WWTR1: variants seen among roughly 807,000 people sequenced by gnomAD.
The protein encoded by WWTR1 is WW domain-containing transcription regulator protein 1.
A neutral mutation model predicts 40.1 loss-of-function variants in WWTR1; 13 were observed. That is an observed-to-expected ratio of 0.32 (90% CI 0.21 to 0.52). The LOEUF (loss-of-function observed/expected upper bound fraction) is 0.52, where lower values mean the gene tolerates loss of function less well. WWTR1 is among the 20% of genes least tolerant of loss of function. WWTR1 has a pLI of 0.97. For synonymous variants in WWTR1, 230 were observed against 210.1 expected, an observed-to-expected ratio of 1.09 and a Z score of -0.82; for missense variants, 436 against 523.1, an observed-to-expected ratio of 0.83 and a Z score of 1.63.
At chr3:149,682,864 GCCATGGAAAGCTGTAAGAAGCCA>G (rs955480941) in intron 1 of WWTR1, among the ~76,000 whole-genome samples, 70 of 152,236 alleles carry the variant, frequency 4.6e-4, no homozygotes, top group African/African-American at 1.4e-3. Flanking sequence ...TGCAGAAACC[GCCATGGAAAGCTGTAAGAAGCCA>G]CCTTCAGTCT....
At chr3:149,547,226 A>T (rs1221047775) in intron 3 of WWTR1, among the ~76,000 whole-genome samples, 2 of 1,088 alleles carry the variant, frequency 1.8e-3, no homozygotes, top group African/African-American at 1.6e-3. Flanking sequence ...TAGTTCCATT[A>T]AAAAAAAAAA....
intron 2 of WWTR1, among the ~76,000 whole-genome samples, chr3:149,597,870 G>C (rs1468206916): frequency 2.0e-5 from 3 of 152,212 alleles, no homozygotes; most frequent in Admixed American, 1.3e-4. Flanking sequence ...AAATGCACAA[G>C]AGAGGTCACC....
At chr3:149,612,938 G>A (rs1405980871) in intron 2 of WWTR1, among the ~76,000 whole-genome samples, 2 of 152,236 alleles carry the variant, frequency 1.3e-5, no homozygotes, top group Non-Finnish European at 2.9e-5. Context: ...ACACAAGCCT[G>A]TCTAGAGTCC....
chr3:149,580,983 T>C (rs1014782792), intron 2 of WWTR1, among the ~76,000 whole-genome samples: 1 of 152,214 alleles, frequency 6.6e-6, no homozygotes, highest in South Asian at 2.1e-4. Context: ...ATTTGCATAA[T>C]GTGGAGTCGG....
At chr3:149,693,493 A>G (rs1714887552) in intron 1 of WWTR1, among the ~76,000 whole-genome samples, 3 of 152,168 alleles carry the variant, frequency 2.0e-5, no homozygotes, top group African/African-American at 4.8e-5. Flanking sequence ...TAAAATGTAT[A>G]TGGAACCACC....
At chr3:149,705,506 T>C (rs1715308947), upstream of WWTR1, among the ~76,000 whole-genome samples, 1 of 152,128 alleles carries the variant, frequency 6.6e-6, no homozygotes, top group Non-Finnish European at 1.5e-5. Context: ...CAAAATAAAG[T>C]GAAACAGTAG....
At chr3:149,522,529 A>G (rs1027090667) in intron 6 of WWTR1, among the ~76,000 whole-genome samples, 3 of 152,212 alleles carry the variant, frequency 2.0e-5, no homozygotes, top group Non-Finnish European at 4.4e-5. Context: ...CGTTAAACGA[A>G]AAAACAAAAT....
intron 2 of WWTR1, among the ~76,000 whole-genome samples, chr3:149,645,951 CA>C (rs1331383882): frequency 2.0e-5 from 3 of 152,102 alleles, no homozygotes; most frequent in African/African-American, 7.2e-5. Flanking sequence ...AGATGTGCCA[CA>C]GCAAAATTTT....
intron 4 of WWTR1, among the ~76,000 whole-genome samples, chr3:149,532,649 G>A (rs1735641525): frequency 6.6e-6 from 1 of 152,010 alleles, no homozygotes; most frequent in Non-Finnish European, 1.5e-5. Context: ...CAAAACCCGA[G>A]GTCTGAAAAT....
chr3:149,533,344 T>G (rs1022745260), intron 4 of WWTR1, among the ~76,000 whole-genome samples: 2 of 152,128 alleles, frequency 1.3e-5, no homozygotes, highest in Admixed American at 1.3e-4. Flanking sequence ...CCAATCAGGA[T>G]AGAGAGGGGT....
At chr3:149,622,892 A>AATG (rs67371172) in intron 2 of WWTR1, among the ~76,000 whole-genome samples, 1 of 32,278 alleles carries the variant, frequency 3.1e-5, no homozygotes, top group East Asian at 4.0e-4. Flanking sequence ...CTTGTCTCAA[A>AATG]ATAATAATAA....
intron 2 of WWTR1, among the ~76,000 whole-genome samples, chr3:149,592,077 T>C (rs1320387172): frequency 6.6e-6 from 1 of 152,190 alleles, no homozygotes; most frequent in African/African-American, 2.4e-5. Context: ...CTCAATGATG[T>C]TCTATAAAAC....
intron 2 of WWTR1, among the ~76,000 whole-genome samples, chr3:149,640,716 C>T (rs796485880): frequency 2.0e-5 from 3 of 152,096 alleles, no homozygotes; most frequent in African/African-American, 7.2e-5. Context: ...CCACCGAGCC[C>T]GACCAGAATC....
chr3:149,568,551 A>AAC (rs1737459769), intron 3 of WWTR1, among the ~76,000 whole-genome samples: 2 of 72,266 alleles, frequency 2.8e-5, no homozygotes, highest in Non-Finnish European at 5.5e-5. Flanking sequence ...AAAAAAAAAA[A>AAC]AAAAAAAAAC....
intron 2 of WWTR1, among the ~76,000 whole-genome samples, chr3:149,603,059 C>T (rs1030228202): frequency 2.0e-5 from 3 of 152,112 alleles, no homozygotes; most frequent in Non-Finnish European, 4.4e-5. Flanking sequence ...AATCTATTTG[C>T]AAACTTCAAA....
chr3:149,600,726 A>G (rs1376252191), intron 2 of WWTR1, among the ~76,000 whole-genome samples: 1 of 152,232 alleles, frequency 6.6e-6, no homozygotes, highest in Non-Finnish European at 1.5e-5. Flanking sequence ...AATTCACATT[A>G]TCAACTGCTT....
chr3:149,642,345 A>T (rs920361704), intron 2 of WWTR1, among the ~76,000 whole-genome samples: 1 of 151,276 alleles, frequency 6.6e-6, no homozygotes. Flanking sequence ...GCTTGAACCC[A>T]GGAGGCAGAG....
chr3:149,696,781 A>G (rs1010013368), intron 1 of WWTR1, among the ~76,000 whole-genome samples: 1 of 152,124 alleles, frequency 6.6e-6, no homozygotes, highest in African/African-American at 2.4e-5. Context: ...TTAGAATGTG[A>G]TCACATCACT....
At chr3:149,585,544 C>A (rs1738381465) in intron 2 of WWTR1, among the ~76,000 whole-genome samples, 1 of 138,610 alleles carries the variant, frequency 7.2e-6, no homozygotes, top group South Asian at 2.5e-4. Flanking sequence ...AGTTCCCCCA[C>A]CAGCACCCCA....
Sources: allele counts gnomAD v4.1 joint callset (sites outside exome capture counted in the v4.1 genomes callset), GRCh38; gene constraint gnomAD v4.1.1; transcripts MANE v1.5; gene names NCBI Gene and HGNC (gene_info 2026-07-23, HGNC 2026-07-21).